Variants in DTX1 observed in about 807,000 individuals in gnomAD.
DTX1 encodes E3 ubiquitin-protein ligase DTX1.
DTX1 carries 26 observed loss-of-function variants against 57.8 expected under a neutral mutation model. That is an observed-to-expected ratio of 0.45 (90% CI 0.33 to 0.62). DTX1 has a LOEUF of 0.62. DTX1 is among the 20% of genes least tolerant of loss of function. The pLI, the probability that DTX1 is intolerant of heterozygous loss-of-function variation, is 0.02. For missense variants in DTX1, 704 were observed against 895.3 expected (o/e 0.79, Z 2.73); for synonymous variants, 398 against 394.1 (o/e 1.01, Z -0.12).
intron 2 of DTX1, among the ~76,000 whole-genome samples, chr12:113,076,546 T>A (rs2044773406): frequency 6.6e-6 from 1 of 151,668 alleles, no homozygotes; most frequent in Admixed American, 6.6e-5. Context: ...GTTGGATTGC[T>A]TGAGCCGAAG....
At chr12:113,096,174 C>T (rs1184452143) in intron 9 of DTX1, among the ~76,000 whole-genome samples, 1 of 151,500 alleles carries the variant, frequency 6.6e-6, no homozygotes, top group Non-Finnish European at 1.5e-5. Flanking sequence ...CACTGCACTC[C>T]AGCCTGGGTG....
intron 3 of DTX1, among the ~76,000 whole-genome samples, chr12:113,089,019 TA>T (rs931337362): frequency 2.6e-5 from 4 of 152,092 alleles, no homozygotes; most frequent in African/African-American, 9.7e-5. Flanking sequence ...TGTCTATAAA[TA>T]AATAACTAAA....
chr12:113,057,987 A>G lies in DTX1; in HGVS notation c.-206A>G, dbSNP rs937206918. 6.7e-6 allele frequency: 5 copies of G among 741,150 alleles called. No individual in the cohort carries two copies. In the African/African-American group the frequency reaches 7.1e-5, roughly 11 times the overall value. The allele number at this position is 741,150 out of a possible 1,614,324, so 45.9% of individuals were successfully genotyped here. A position where few individuals can be genotyped will look rare whatever the true frequency, so the allele number is the denominator to read the frequency against. On this transcript the variant is annotated 5_prime_UTR_variant, in exon 2 of 10. Transcript: ENST00000548759. Reference sequence around the variant, plus strand: ...CACCCTTTATCGGAGAAGGCTCTACAGGGAAGGGGTCTTTGCAGCCTGGAT... The same window carrying G: ...CACCCTTTATCGGAGAAGGCTCTACGGGGAAGGGGTCTTTGCAGCCTGGAT...
At chr12:113,063,645 C>G (rs1427860510) in intron 2 of DTX1, among the ~76,000 whole-genome samples, 1 of 152,246 alleles carries the variant, frequency 6.6e-6, no homozygotes, top group Non-Finnish European at 1.5e-5. Context: ...CAAGCCTGGC[C>G]TTTTCTGGTG....
At chr12:113,066,053 T>C (rs989057300) in intron 2 of DTX1, among the ~76,000 whole-genome samples, 7 of 152,028 alleles carry the variant, frequency 4.6e-5, no homozygotes, top group African/African-American at 1.4e-4. Context: ...GTCCCTTAGA[T>C]AGTCACCCCC....
At chr12:113,094,121 T>TGGGGGGGG in intron 6 of DTX1, 22 bp downstream of exon 6, 2 of 443,358 alleles carry the variant, frequency 4.5e-6, no homozygotes, top group Admixed American at 3.4e-5. Flanking sequence ...ATGGGGGGGC[T>TGGGGGGGG]GGGGGAGGGC....
At chr12:113,089,569 C>T (rs1269611845) in intron 3 of DTX1, among the ~76,000 whole-genome samples, 1 of 152,164 alleles carries the variant, frequency 6.6e-6, no homozygotes, top group Non-Finnish European at 1.5e-5. Context: ...CTCACTGACT[C>T]GGAGGAAACA....
intron 2 of DTX1, among the ~76,000 whole-genome samples, chr12:113,068,999 C>T (rs997467970): frequency 2.0e-5 from 3 of 152,116 alleles, no homozygotes; most frequent in African/African-American, 4.8e-5. Flanking sequence ...AGACAGTGAT[C>T]GTAATAGTTA....
At position 113,056,807 on chromosome 12, in the gene DTX1, C is replaced by T. The variant is rs558550845; in HGVS notation, c.-882C>T. 3 of 150,660 alleles carry T rather than the reference C, an allele frequency of 2.0e-5. No individual in the cohort carries two copies. The highest frequency in any genetic ancestry group is 2.1e-4 in the South Asian group (1 of 4,824). 9.3% of individuals were successfully genotyped at this position (150,660 alleles called of 1,614,324 possible). On this transcript the variant is annotated 5_prime_UTR_variant, in exon 1 of 10. Coordinates refer to ENST00000548759, the MANE Select transcript of DTX1 (RefSeq NM_004416.3). Reference sequence around the variant, plus strand: ...GGGCAGTCTGTCCACGCGCGGAAAGCTCGGCGCGGCGGCCGAGGGGCCTGG... The same window carrying T: ...GGGCAGTCTGTCCACGCGCGGAAAGTTCGGCGCGGCGGCCGAGGGGCCTGG...
intron 3 of DTX1, 87 bp downstream of exon 3, chr12:113,078,192 CAAAGATTACAATAATAAT>C: frequency 1.0e-6 from 1 of 982,386 alleles, no homozygotes; most frequent in Non-Finnish European, 1.3e-6. Flanking sequence ...AGGGCAGGAG[CAAAGATTACAATAATAAT>C]AATGACGATA....
chr12:113,079,729 T>C (rs2044802795), intron 3 of DTX1, among the ~76,000 whole-genome samples: 2 of 150,694 alleles, frequency 1.3e-5, no homozygotes, highest in South Asian at 4.2e-4. Context: ...TGTGTGTGTG[T>C]GTGTGTGTTA....
At chr12:113,088,487 A>G (rs549562664) in intron 3 of DTX1, among the ~76,000 whole-genome samples, 1 of 152,390 alleles carries the variant, frequency 6.6e-6, no homozygotes, top group Non-Finnish European at 1.5e-5. Flanking sequence ...GAGGGATAAC[A>G]TTAGGAGATA....
chr12:113,078,520 A>G (rs2044793001), intron 3 of DTX1, among the ~76,000 whole-genome samples: 1 of 152,212 alleles, frequency 6.6e-6, no homozygotes, highest in African/African-American at 2.4e-5. Flanking sequence ...ATAGATGGGG[A>G]AACCGAGGCT....
intron 2 of DTX1, among the ~76,000 whole-genome samples, chr12:113,070,106 G>A (rs937750092): frequency 5.3e-5 from 8 of 152,140 alleles, no homozygotes; most frequent in Admixed American, 3.3e-4. Context: ...TAACTGCTCC[G>A]TGCCTCTGTT....
rs1950261706 is a variant in DTX1 at position 113,093,470 on chromosome 12, C to T, written c.1004-69C>T. On this transcript the variant is annotated intron_variant, in intron 4 of 9. Transcript: ENST00000548759. The surrounding 1 kb of genome is among the most constrained non-coding windows in gnomAD (Gnocchi z 4.2). ...ACCCACCCGAGGGCCCCGGGATTCC[C>T]AGGGCCAGTGGTCGGGGGTTTGGGC... 2.8e-6 allele frequency: 4 copies of T among 1,439,598 alleles called. No individual in the cohort carries two copies. The highest frequency in any genetic ancestry group is 3.7e-6 in the Non-Finnish European group (4 of 1,087,040). 89.2% of individuals were successfully genotyped at this position (1,439,598 alleles called of 1,614,324 possible).
Position 113,077,826 on chromosome 12 carries a change from C to T in DTX1, c.662C>T (p.Ser221Leu). Residue 221 changes from serine to leucine, a missense_variant, in exon 3 of 10, where the codon TCG (serine) becomes TTG (leucine). Coordinates refer to ENST00000548759, the MANE Select transcript of DTX1 (RefSeq NM_004416.3). This position sits in a 1 kb window ranked among gnomAD's most constrained non-coding sequence, Gnocchi z 7.8. ...GCCGCCTCCAACGCCATCCTGGCCT[C>T]GCAGCGCCGCAAGGCGCCCCCCGCG... ...TRAASNAILA[S>L]QRRKAPPAPP... 1 of 1,407,842 alleles carries T rather than the reference C, an allele frequency of 7.1e-7. No individual in the cohort carries two copies. The highest frequency in any genetic ancestry group is 9.2e-7 in the Non-Finnish European group (1 of 1,089,982). The allele number at this position is 1,407,842 out of a possible 1,614,324, so 87.2% of individuals were successfully genotyped here.
chr12:113,089,240 A>G (rs1417516766), intron 3 of DTX1, among the ~76,000 whole-genome samples: 2 of 152,118 alleles, frequency 1.3e-5, no homozygotes, highest in African/African-American at 2.4e-5. Flanking sequence ...GGGTGAACAC[A>G]TAGGAAATGA....
chr12:113,088,839 TTTG>T (rs34865485), intron 3 of DTX1, among the ~76,000 whole-genome samples: 124,619 of 149,786 alleles, frequency 0.83, 51,824 homozygotes, highest in African/African-American at 0.89. Flanking sequence ...CCTCAAAAGT[TTTG>T]TTGTTGTTGT....
chr12:113,093,759 T>C lies in DTX1; in HGVS notation c.1165+59T>C, dbSNP rs757046432. The C allele has an allele frequency of 1.4e-4, 224 of 1,594,208 alleles. No homozygotes were observed. Among genetic ancestry groups the C allele is most frequent in the Non-Finnish European group, 1.8e-4 (209 of 1,167,110 alleles). On this transcript the variant is annotated intron_variant, in intron 5 of 9. Coordinates refer to ENST00000548759, the MANE Select transcript of DTX1 (RefSeq NM_004416.3). This position sits in a 1 kb window ranked among gnomAD's most constrained non-coding sequence, Gnocchi z 4.2. The stretch of plus-strand genomic sequence containing the variant: ...AACCCCACTAAGCCTTGACCACAAC[T>C]CTGTGACCCCTGGTCTCCAACTTAT...
Sources: gnomAD v4.1 joint callset for allele counts (sites outside exome capture counted in the v4.1 genomes callset) on GRCh38, gnomAD v4.1.1 for gene constraint, Gnocchi (gnomAD v3.1) non-coding constraint, MANE v1.5 for transcripts, NCBI Gene and HGNC (gene_info 2026-07-23, HGNC 2026-07-21) for gene names.